The following ABR variants were observed in gnomAD, a reference collection of about 807,000 sequenced individuals.
ABR encodes ABR activator of RhoGEF and GTPase.
In ABR, 35 loss-of-function variants were observed where a neutral mutation model predicts 107.2. The observed-to-expected ratio is 0.33, with a 90% CI of 0.25 to 0.43. The LOEUF is 0.43. Ranked by LOEUF, ABR falls within the 20% of genes least tolerant of loss-of-function variation. The pLI is 1.00. For missense variants in ABR, 815 were observed against 1,115.2 expected (o/e 0.73, Z 3.83); for synonymous variants, 498 against 462.0 (o/e 1.08, Z -1.00).
In ABR at chr17:1,207,834, A is replaced by G. The variant is rs182053470; in HGVS notation, c.838+20959T>C. ...GCCCAGGCTGGAGTGCAGAGGTGCG[A>G]TCTCGGCTCACTGCAACCTCCGCCT... On this transcript the variant is annotated intron_variant, in intron 1 of 22. Coordinates refer to the ABR transcript ENST00000574139. Among the ~76,000 whole-genome samples, 1,306 of 151,140 alleles carry G rather than the reference A, an allele frequency of 8.6e-3. 16 individuals carry two copies. Among genetic ancestry groups the G allele is most frequent in the African/African-American group, 0.03 (1,225 of 41,228 alleles).
rs1250487924 is a variant in ABR at position 1,101,067 on chromosome 17, A to G, written c.247-332T>C. Reference sequence around the variant, plus strand: ...TAGAACTCCTGACCTCAGGTGATCCACCCACCTCAGCCTCCCAAAGTGCTG... The same window carrying G: ...TAGAACTCCTGACCTCAGGTGATCCGCCCACCTCAGCCTCCCAAAGTGCTG... On this transcript the variant is annotated intron_variant, in intron 2 of 22. Coordinates refer to ENST00000302538, the MANE Select transcript of ABR (RefSeq NM_021962.5). 31 of 295,712 alleles carry G rather than the reference A, an allele frequency of 1.0e-4. 1 individual carries two copies. In the East Asian group the frequency reaches 1.8e-3, roughly 17 times the overall value. 18.3% of individuals were successfully genotyped at this position (295,712 alleles called of 1,614,324 possible).
Position 1,012,690 on chromosome 17 carries a change from C to G in ABR, c.1959G>C (p.Thr653=), listed in dbSNP as rs182579188. 7 of 1,574,230 alleles carry G rather than the reference C, an allele frequency of 4.4e-6. No individual in the cohort carries two copies. The highest frequency in any genetic ancestry group is 2.3e-5 in the East Asian group (1 of 43,372). The part of the protein sequence containing the change: ...GVFGVKISVV[T]KRERSKVPYI... ...GGGAGACCCGAGGCAGCACCTACTT[C>G]GTCACCACGCTGATCTTCACACCGA... The change falls in exon 18 of 23, where the codon ACG becomes ACC. Residue 653 remains threonine (T), a splice_region_variant and synonymous_variant. Transcript: ENST00000302538.
At position 1,005,854 on chromosome 17, in the gene ABR, G is replaced by C; in HGVS notation, c.*226C>G. 1.7e-6 allele frequency: 1 copy of C among 595,662 alleles called. No individual in the cohort carries two copies. Among genetic ancestry groups the C allele is most frequent in the East Asian group, 2.8e-5 (1 of 35,454 alleles). The allele number at this position is 595,662 out of a possible 1,614,324, so 36.9% of individuals were successfully genotyped here. On this transcript the variant is annotated 3_prime_UTR_variant, in exon 23 of 23. Coordinates refer to ENST00000302538, the MANE Select transcript of ABR (RefSeq NM_021962.5). ...GCACGGAGCATCAGACACAACTAGA[G>C]GTATGGAGGGCAGGAGGTGGGATGC...
At chr17:1,125,825 T>G in intron 1 of ABR, 2 of 176,336 alleles carry the variant, frequency 1.1e-5, no homozygotes, top group Non-Finnish European at 2.4e-5. Flanking sequence ...GTACCATTTG[T>G]ACTGAGCCCA....
At chr17:1,170,616 A>G (rs943295377) in intron 1 of ABR, among the ~76,000 whole-genome samples, 1 of 151,938 alleles carries the variant, frequency 6.6e-6, no homozygotes, top group Non-Finnish European at 1.5e-5. Flanking sequence ...TTTGTATTTT[A>G]GTAGAAACGG....
chr17:1,009,622 C>A, intron 21 of ABR, 57 bp downstream of exon 21: 1 of 1,523,958 alleles, frequency 6.6e-7, no homozygotes, highest in Non-Finnish European at 9.1e-7. Flanking sequence ...GGCCCCTCCC[C>A]GTTACCTTTT....
At chr17:1,036,054 C>A (rs2150950392) in intron 16 of ABR, among the ~76,000 whole-genome samples, 1 of 152,174 alleles carries the variant, frequency 6.6e-6, no homozygotes, top group Non-Finnish European at 1.5e-5. Context: ...CCTGTGAGCA[C>A]CAGGAGGAAG....
intron 1 of ABR, among the ~76,000 whole-genome samples, chr17:1,169,992 TTGTG>T (rs1236679473): frequency 1.5e-3 from 197 of 132,600 alleles, no homozygotes; most frequent in Middle Eastern, 7.6e-3. Context: ...GTGTTTGTGT[TTGTG>T]TGTGTGTGTG....
Position 1,046,371 on chromosome 17 carries a change from T to G in ABR, c.1791+3679A>C, listed in dbSNP as rs192725609. Among the ~76,000 whole-genome samples, 692 of 121,214 alleles carry G rather than the reference T, an allele frequency of 5.7e-3. 6 individuals are homozygous for G. The highest frequency in any genetic ancestry group is 9.5e-3 in the Non-Finnish European group (496 of 52,412). The allele number at this position is 121,214 out of a possible 152,430, so 79.5% of individuals were successfully genotyped here. On this transcript the variant is annotated intron_variant, in intron 16 of 22. Coordinates refer to ENST00000302538, the MANE Select transcript of ABR (RefSeq NM_021962.5). Reference sequence around the variant, plus strand: ...CAGGCGGGTCTTGAACTCCCGACCTTGTAATCCGCCCGCCTCGGCCTCCCA... The same window carrying G: ...CAGGCGGGTCTTGAACTCCCGACCTGGTAATCCGCCCGCCTCGGCCTCCCA...
chr17:1,102,287 G>T (rs1017399641), intron 2 of ABR, among the ~76,000 whole-genome samples: 2 of 152,222 alleles, frequency 1.3e-5, no homozygotes, highest in Non-Finnish European at 2.9e-5. Context: ...CGTGGCCACA[G>T]AAGGGGAGTG....
At chr17:1,102,025 A>T (rs561374533) in intron 2 of ABR, among the ~76,000 whole-genome samples, 3 of 151,664 alleles carry the variant, frequency 2.0e-5, no homozygotes, top group East Asian at 1.9e-4. Context: ...GAGCCACCGC[A>T]CCCTGCCGGA....
At chr17:1,080,905 T>C (rs1002205539) in intron 5 of ABR, among the ~76,000 whole-genome samples, 1 of 152,122 alleles carries the variant, frequency 6.6e-6, no homozygotes, top group Non-Finnish European at 1.5e-5. Flanking sequence ...AGGAGCCTAA[T>C]TGCAGTAATT....
At chr17:1,066,978 C>T (rs1333897247) in intron 10 of ABR, 99 bp downstream of exon 10, 1 of 1,299,508 alleles carries the variant, frequency 7.7e-7, no homozygotes, top group Non-Finnish European at 1.1e-6. Flanking sequence ...ACACTCAAGG[C>T]TCCCTCTCAA....
intron 2 of ABR, 68 bp from the exon 3 acceptor site, chr17:1,100,803 G>T: frequency 6.2e-6 from 9 of 1,461,412 alleles, no homozygotes; most frequent in Non-Finnish European, 7.7e-6. Flanking sequence ...TGGACGGTCT[G>T]CTTCCCTGCC....
chr17:1,203,811 C>G (rs1362198234), intron 1 of ABR, among the ~76,000 whole-genome samples: 1 of 152,044 alleles, frequency 6.6e-6, no homozygotes, highest in Non-Finnish European at 1.5e-5. Context: ...CTCCGCGTGG[C>G]GAGAGACCCG....
intron 1 of ABR, among the ~76,000 whole-genome samples, chr17:1,169,877 G>A (rs1270857089): frequency 6.6e-6 from 1 of 152,074 alleles, no homozygotes; most frequent in Non-Finnish European, 1.5e-5. Flanking sequence ...CTCGCCCCTG[G>A]CCTCGCTCTA....
chr17:1,021,382 C>T (rs1489557004), intron 16 of ABR, among the ~76,000 whole-genome samples: 1 of 152,272 alleles, frequency 6.6e-6, no homozygotes, highest in Non-Finnish European at 1.5e-5. Context: ...CCAGGCACAG[C>T]CCTGCCCTCG....
chr17:1,156,716 T>C (rs2041059363), intron 1 of ABR, among the ~76,000 whole-genome samples: 1 of 152,100 alleles, frequency 6.6e-6, no homozygotes, highest in Non-Finnish European at 1.5e-5. Flanking sequence ...ATGTGCATTA[T>C]CTTATGTAAT....
At position 1,179,582 on chromosome 17, in the gene ABR, T is replaced by C. The variant is rs1181687792; in HGVS notation, c.61+85A>G. The C allele has an allele frequency of 2.2e-6, 3 of 1,336,722 alleles. No individual in the cohort carries two copies. Among genetic ancestry groups the C allele is most frequent in the Non-Finnish European group, 2.0e-6 (2 of 1,020,786 alleles). The allele number at this position is 1,336,722 out of a possible 1,614,324, so 82.8% of individuals were successfully genotyped here. On this transcript the variant is annotated intron_variant, in intron 1 of 22. Transcript: ENST00000302538. The surrounding 1 kb of genome is among the most constrained non-coding windows in gnomAD (Gnocchi z 4.9). Reference sequence around the variant, plus strand: ...CTGGGTCCCGATCCCGATCTTGGGGTCCCGATCCCGATCCTGGGGTCCCGA... The same window carrying C: ...CTGGGTCCCGATCCCGATCTTGGGGCCCCGATCCCGATCCTGGGGTCCCGA...
Sources: gnomAD v4.1 joint callset for allele counts (sites outside exome capture counted in the v4.1 genomes callset) on GRCh38, gnomAD v4.1.1 for gene constraint, Gnocchi (gnomAD v3.1) non-coding constraint, MANE v1.5 for transcripts, NCBI Gene and HGNC (gene_info 2026-07-23, HGNC 2026-07-21) for gene names.